The following TBC1D13 variants were observed in gnomAD, a reference collection of about 807,000 sequenced individuals.
TBC1D13 encodes epididymis secretory sperm binding protein.
TBC1D13 carries 40 observed loss-of-function variants against 53.6 expected under a neutral mutation model. The ratio of observed to expected loss-of-function variants is 0.75; its 90% CI spans 0.58 to 0.97. The LOEUF (loss-of-function observed/expected upper bound fraction) is 0.97. Among genes scored for constraint, TBC1D13 ranks in the 50% least tolerant of loss-of-function variants. The pLI is 0.00. For missense variants in TBC1D13, 377 were observed against 499.4 expected (o/e 0.75, Z 2.34); for synonymous variants, 182 against 197.7 (o/e 0.92, Z 0.67).
chr9:128,806,053 T>C, intron 10 of TBC1D13, 34 bp downstream of exon 10: 1 of 1,605,986 alleles, frequency 6.2e-7, no homozygotes, highest in African/African-American at 1.3e-5. Context: ...TCAGCTCACC[T>C]GGGCAGTCCT....
chr9:128,806,400 G>C, intron 11 of TBC1D13, 89 bp downstream of exon 11: 1 of 1,490,320 alleles, frequency 6.7e-7, no homozygotes, highest in Non-Finnish European at 9.3e-7. Context: ...GACAGGCTGG[G>C]CAGGGGCAGC....
Position 128,803,750 on chromosome 9 carries a change from G to C in TBC1D13, c.755-206G>C, listed in dbSNP as rs142432221. On this transcript the variant is annotated intron_variant, in intron 8 of 11. Transcript: ENST00000372648. ...GAGAGTGTGTAATAAACTGCTAAGTGAATGTACAGTATTGCCAGATGTGAG... is the reference window on the plus strand; with the variant it reads ...GAGAGTGTGTAATAAACTGCTAAGTCAATGTACAGTATTGCCAGATGTGAG... Among the ~76,000 whole-genome samples, 183 of 152,338 alleles carry C rather than the reference G, an allele frequency of 1.2e-3. 1 individual carries two copies. Among genetic ancestry groups the C allele is most frequent in the Admixed American group, 3.0e-3 (46 of 15,298 alleles).
Position 128,803,998 on chromosome 9 carries a change from T to C in TBC1D13, c.797T>C (p.Met266Thr). Residue 266 changes from methionine to threonine, a missense_variant, in exon 9 of 12, where the codon ATG (methionine) becomes ACG (threonine). By Grantham distance (81) the Met-to-Thr change is moderately conservative (BLOSUM62 -1). Coordinates refer to ENST00000372648, the MANE Select transcript of TBC1D13 (RefSeq NM_018201.5). ...ACCTTTTTCTGCTTCACCAACCTCATGGCCGAGATCCGGGACAACTTTATC... is the reference window on the plus strand; with the variant it reads ...ACCTTTTTCTGCTTCACCAACCTCACGGCCGAGATCCGGGACAACTTTATC... The part of the protein sequence containing the change: ...ADTFFCFTNL[M>T]AEIRDNFIKS... The C allele has an allele frequency of 6.2e-7, 1 of 1,613,896 alleles. No homozygotes were observed. The highest frequency in any genetic ancestry group is 8.5e-7 in the Non-Finnish European group (1 of 1,180,020).
chr9:128,801,849 C>G (rs1829741139), intron 7 of TBC1D13, among the ~76,000 whole-genome samples: 1 of 151,672 alleles, frequency 6.6e-6, no homozygotes, highest in African/African-American at 2.4e-5. Flanking sequence ...GCAAACTCCG[C>G]CTCCTGGGTT....
chr9:128,790,719 C>A lies in TBC1D13; in HGVS notation c.98-16C>A. ...ACTCTGGCCTGGGGCATGACCTTTG[C>A]CTGCTGTGTCCACAGGCATCCCCTG... On this transcript the variant is annotated splice_polypyrimidine_tract_variant and intron_variant, in intron 2 of 11. Coordinates refer to ENST00000372648, the MANE Select transcript of TBC1D13 (RefSeq NM_018201.5). 6.5e-7 allele frequency: 1 copy of A among 1,542,514 alleles called. No homozygotes were observed.
chr9:128,797,088 G>C lies in TBC1D13; in HGVS notation c.417G>C (p.Arg139Ser). ...RLCPDISFFQ[R>S]ATDYPCLLIL... ...GCCCAGACATTTCCTTCTTCCAGAG[G>C]GCCACTGACTACCCTTGCCTCCTCA... is the stretch of plus-strand genomic sequence containing the variant. Residue 139 changes from arginine to serine, a missense_variant, in exon 7 of 12, where the codon AGG becomes AGC. Arg to Ser is a moderately radical substitution (Grantham distance 110). Transcript: ENST00000372648. The C allele has an allele frequency of 1.2e-6, 2 of 1,613,934 alleles. No homozygotes were observed. The highest frequency in any genetic ancestry group is 2.2e-5 in the South Asian group (2 of 91,064).
rs944075618 is a variant in TBC1D13 at position 128,808,408 on chromosome 9, C to T, written c.*529C>T. Reference sequence around the variant, plus strand: ...GGCCCAAGTCCCCAGGCATCTTCTCCGTGTGTGTGTGTGTGTGTGTGTGTG... The same window carrying T: ...GGCCCAAGTCCCCAGGCATCTTCTCTGTGTGTGTGTGTGTGTGTGTGTGTG... On this transcript the variant is annotated 3_prime_UTR_variant, in exon 12 of 12. Transcript: ENST00000372648. 22 of 121,754 alleles carry T rather than the reference C, an allele frequency of 1.8e-4. No homozygotes were observed. The highest frequency in any genetic ancestry group is 2.7e-4 in the Admixed American group (3 of 11,320). 7.5% of individuals were successfully genotyped at this position (121,754 alleles called of 1,614,324 possible).
intron 7 of TBC1D13, among the ~76,000 whole-genome samples, chr9:128,797,622 G>A (rs770219003): frequency 1.3e-5 from 2 of 152,066 alleles, no homozygotes; most frequent in Non-Finnish European, 2.9e-5. Flanking sequence ...GGGCTACATG[G>A]TGAAACCCTG....
intron 1 of TBC1D13, among the ~76,000 whole-genome samples, 191 bp downstream of exon 1, chr9:128,787,567 C>T (rs1301077268): frequency 6.6e-6 from 1 of 152,060 alleles, no homozygotes; most frequent in East Asian, 1.9e-4. Flanking sequence ...CTTCTCCTGC[C>T]CCTGATGTCA....
chr9:128,791,463 G>A, intron 4 of TBC1D13, 22 bp downstream of exon 4: 1 of 1,613,538 alleles, frequency 6.2e-7, no homozygotes, highest in South Asian at 1.1e-5. Context: ...TGTAAGGGCA[G>A]TGACAGGAGG....
chr9:128,809,147 T>A lies in TBC1D13; in HGVS notation c.*1268T>A, dbSNP rs2132560440. 1 of 152,458 alleles carries A rather than the reference T, an allele frequency of 6.6e-6. No individual in the cohort carries two copies. Among genetic ancestry groups the A allele is most frequent in the East Asian group, 1.9e-4 (1 of 5,176 alleles). 9.4% of individuals were successfully genotyped at this position (152,458 alleles called of 1,614,324 possible). ...CTTAAAGGCCCTGGGTCCTGCCAGT[T>A]CCAGGAGGGCCATGTCTGTGCCTCT... On this transcript the variant is annotated 3_prime_UTR_variant, in exon 12 of 12. Transcript: ENST00000372648.
intron 3 of TBC1D13, 68 bp downstream of exon 3, chr9:128,790,843 C>G: frequency 6.7e-7 from 1 of 1,483,678 alleles, no homozygotes; most frequent in Non-Finnish European, 9.1e-7. Context: ...TGGGCTGCCC[C>G]TACCCCTGGC....
At chr9:128,797,940 A>G (rs1829664161) in intron 7 of TBC1D13, among the ~76,000 whole-genome samples, 1 of 152,208 alleles carries the variant, frequency 6.6e-6, no homozygotes, top group African/African-American at 2.4e-5. Flanking sequence ...ATTTAACCCC[A>G]TCTGTACTGA....
intron 6 of TBC1D13, among the ~76,000 whole-genome samples, chr9:128,795,665 T>C (rs1218179368): frequency 6.6e-6 from 1 of 152,030 alleles, no homozygotes; most frequent in Admixed American, 6.6e-5. Context: ...TTTCACCGTG[T>C]TAGCCAGGGT....
chr9:128,787,449 G>A, intron 1 of TBC1D13, 73 bp downstream of exon 1: 1 of 1,239,882 alleles, frequency 8.1e-7, no homozygotes, highest in Non-Finnish European at 1.0e-6. Context: ...TCAGAAGGGG[G>A]AAGCGCGGGT....
At chr9:128,792,114 C>T (rs942117548) in intron 5 of TBC1D13, among the ~76,000 whole-genome samples, 41 of 152,200 alleles carry the variant, frequency 2.7e-4, no homozygotes, top group African/African-American at 9.2e-4. Context: ...TAGGAATTGA[C>T]GACTCAGAGC....
At chr9:128,800,848 C>T (rs114629128) in intron 7 of TBC1D13, among the ~76,000 whole-genome samples, 2,956 of 151,838 alleles carry the variant, frequency 0.019, 109 homozygotes, top group African/African-American at 0.068. Context: ...TCGAGTACTT[C>T]GGTAGGATCT....
chr9:128,795,747 A>G lies in TBC1D13; in HGVS notation c.384-1308A>G, dbSNP rs576990856. Among the ~76,000 whole-genome samples the G allele has an allele frequency of 1.7e-4, 26 of 152,158 alleles. No homozygotes were observed. The East Asian group carries it at 5.0e-3, about 30-fold the overall frequency. ...AGTGCTGGGATTACAGGCGTAAGCC[A>G]CCGCACCTGGCCCCAACTAATTTTT... On this transcript the variant is annotated intron_variant, in intron 6 of 11. Coordinates refer to ENST00000372648, the MANE Select transcript of TBC1D13 (RefSeq NM_018201.5).
intron 11 of TBC1D13, 51 bp downstream of exon 11, chr9:128,806,362 C>A (rs1481946750): frequency 1.9e-6 from 3 of 1,607,668 alleles, no homozygotes; most frequent in Non-Finnish European, 2.6e-6. Context: ...CTGGCACTCG[C>A]CAGGCACCTG....
Sources: allele counts gnomAD v4.1 joint callset (sites outside exome capture counted in the v4.1 genomes callset), GRCh38; gene constraint gnomAD v4.1.1; transcripts MANE v1.5; gene names NCBI Gene and HGNC (gene_info 2026-07-23, HGNC 2026-07-21).